SH3GL1: variants seen among roughly 807,000 people sequenced by gnomAD.
SH3GL1 encodes the protein SH3 domain containing GRB2 like 1, endophilin A2.
A neutral mutation model predicts 48.8 loss-of-function variants in SH3GL1; 21 were observed. The ratio of observed to expected loss-of-function variants is 0.43; its 90% CI spans 0.30 to 0.62. The LOEUF is 0.62. SH3GL1 is among the 20% of genes least tolerant of loss of function. The pLI is 0.11. For missense variants in SH3GL1, 454 were observed against 503.0 expected, an observed-to-expected ratio of 0.90 and a Z score of 0.93; for synonymous variants, 282 against 217.5, an observed-to-expected ratio of 1.30 and a Z score of -2.61.
At position 4,366,948 on chromosome 19, in the gene SH3GL1, T is replaced by A. The variant is rs1168675200; in HGVS notation, c.92A>T (p.Asp31Val). The A allele has an allele frequency of 6.2e-7, 1 of 1,613,990 alleles. No individual in the cohort carries two copies. The highest frequency in any genetic ancestry group is 8.5e-7 in the Non-Finnish European group (1 of 1,179,894). ...VGGAEGTKLDDDFKEMEKKVD... is the reference protein window; with the variant it reads ...VGGAEGTKLDVDFKEMEKKVD... ...CACCTTCTCCATCTCTTTGAAGTCA[T>A]CATCCAGCTTGGTCCCCTCGGCCCC... The change falls in exon 2 of 10, where the codon GAT becomes GTT. Residue 31 changes from aspartate (D) to valine (V), a missense_variant. By Grantham distance (152) the Asp-to-Val change is radical. This residue lies in a region of SH3GL1 where 176 missense variants were observed against 256.2 expected (regional missense o/e 0.69). Coordinates refer to ENST00000269886, the MANE Select transcript of SH3GL1 (RefSeq NM_003025.4).
Position 4,368,212 on chromosome 19 carries a change from A to C in SH3GL1, c.46-1218T>G, listed in dbSNP as rs569073605. 2.0e-5 allele frequency among the ~76,000 whole-genome samples: 3 copies of C among 152,178 alleles called. No individual in the cohort carries two copies. The East Asian group carries it at 5.8e-4, about 30-fold the overall frequency. On this transcript the variant is annotated intron_variant, in intron 1 of 9. Coordinates refer to ENST00000269886, the MANE Select transcript of SH3GL1 (RefSeq NM_003025.4). ...TGGTGCTTGCCTGCCCCGAGCTGTC[A>C]CAAGACGTGGCCAAGGGATGCCATG...
chr19:4,386,490 T>C (rs1973237838), intron 1 of SH3GL1, among the ~76,000 whole-genome samples: 1 of 149,078 alleles, frequency 6.7e-6, no homozygotes, highest in Non-Finnish European at 1.5e-5. Context: ...TTTTTTTTTA[T>C]TTCTTTTTCA....
At chr19:4,388,756 G>A (rs1202046878) in intron 1 of SH3GL1, among the ~76,000 whole-genome samples, 2 of 152,242 alleles carry the variant, frequency 1.3e-5, no homozygotes, top group Non-Finnish European at 2.9e-5. Context: ...GATCAAGGGG[G>A]GAAGCAGGCG....
At chr19:4,370,265 A>C (rs1487823260) in intron 1 of SH3GL1, among the ~76,000 whole-genome samples, 1 of 152,174 alleles carries the variant, frequency 6.6e-6, no homozygotes, top group African/African-American at 2.4e-5. Flanking sequence ...CCAGCAGTCC[A>C]TTCCTGCCGA....
chr19:4,399,626 C>T (rs1226026021), intron 1 of SH3GL1, among the ~76,000 whole-genome samples: 2 of 148,262 alleles, frequency 1.3e-5, no homozygotes, highest in African/African-American at 5.0e-5. Flanking sequence ...CAGGACGGCC[C>T]CACCACGGAG....
chr19:4,368,319 C>G (rs1972825846), intron 1 of SH3GL1, among the ~76,000 whole-genome samples: 1 of 152,196 alleles, frequency 6.6e-6, no homozygotes, highest in Admixed American at 6.5e-5. Context: ...TAGGACCCAG[C>G]CTGGGAGGAA....
At chr19:4,397,058 A>G (rs774280738) in intron 1 of SH3GL1, among the ~76,000 whole-genome samples, 1 of 152,200 alleles carries the variant, frequency 6.6e-6, no homozygotes, top group Non-Finnish European at 1.5e-5. Context: ...GAGAGATGTC[A>G]CTTTCCAACA....
chr19:4,379,210 T>C (rs1973070996), intron 1 of SH3GL1, among the ~76,000 whole-genome samples: 2 of 151,452 alleles, frequency 1.3e-5, no homozygotes, highest in African/African-American at 4.9e-5. Flanking sequence ...ATCCCAGCAC[T>C]TTAGGAGGTC....
At chr19:4,382,803 C>T (rs1973162252) in intron 1 of SH3GL1, among the ~76,000 whole-genome samples, 1 of 152,188 alleles carries the variant, frequency 6.6e-6, no homozygotes, top group African/African-American at 2.4e-5. Flanking sequence ...CTACCTCAAG[C>T]ACAGAGTTGG....
chr19:4,363,611 G>C, intron 6 of SH3GL1, 109 bp downstream of exon 6: 1 of 1,506,004 alleles, frequency 6.6e-7, no homozygotes, highest in Non-Finnish European at 9.2e-7. Context: ...CACCTCCCCT[G>C]CTGCAGCGGC....
At chr19:4,382,848 C>G (rs1973163375) in intron 1 of SH3GL1, among the ~76,000 whole-genome samples, 1 of 152,190 alleles carries the variant, frequency 6.6e-6, no homozygotes, top group Admixed American at 6.5e-5. Context: ...GGGAAACACA[C>G]AGCTAGGTTT....
intron 1 of SH3GL1, among the ~76,000 whole-genome samples, chr19:4,397,258 C>A (rs552889832): frequency 6.6e-5 from 10 of 152,202 alleles, no homozygotes; most frequent in African/African-American, 1.2e-4. Context: ...GAGGCCAAGA[C>A]GACAGCCCCG....
intron 1 of SH3GL1, among the ~76,000 whole-genome samples, chr19:4,370,577 C>T (rs1331024639): frequency 1.3e-5 from 2 of 152,200 alleles, no homozygotes; most frequent in Non-Finnish European, 1.5e-5. Context: ...CTGCAAACCC[C>T]GAGTGACCAA....
chr19:4,390,395 A>C (rs1973314637), intron 1 of SH3GL1: 1 of 152,738 alleles, frequency 6.5e-6, no homozygotes, highest in Non-Finnish European at 1.5e-5. Flanking sequence ...ACAGGCAGGC[A>C]GACAGACAGG....
intron 1 of SH3GL1, among the ~76,000 whole-genome samples, chr19:4,370,356 A>G (rs980130322): frequency 2.6e-5 from 4 of 152,194 alleles, no homozygotes; most frequent in Non-Finnish European, 2.9e-5. Context: ...ACTCGAGTCC[A>G]TCCCATACCC....
intron 1 of SH3GL1, among the ~76,000 whole-genome samples, chr19:4,368,845 G>T (rs907160294): frequency 6.6e-6 from 1 of 152,194 alleles, no homozygotes; most frequent in African/African-American, 2.4e-5. Context: ...GCTGAGGCAG[G>T]CGGATCATGA....
At chr19:4,393,714 C>A (rs921349984) in intron 1 of SH3GL1, among the ~76,000 whole-genome samples, 7 of 151,934 alleles carry the variant, frequency 4.6e-5, no homozygotes, top group African/African-American at 1.7e-4. Flanking sequence ...TGCTTGAACC[C>A]GGGAGGCAGA....
chr19:4,361,690 G>C lies in SH3GL1; in HGVS notation c.1017C>G (p.Ile339Met). 2 of 1,613,212 alleles carry C rather than the reference G, an allele frequency of 1.2e-6. No individual in the cohort carries two copies. Among genetic ancestry groups the C allele is most frequent in the Non-Finnish European group, 1.7e-6 (2 of 1,179,834 alleles). Reference protein sequence around the residue: ...EGDVITLTNQIDENWYEGMLD... With the variant: ...EGDVITLTNQMDENWYEGMLD... ...GCATGCCCTCGTACCAGTTCTCATC[G>C]ATCTGGTTGGTCAGCGTGATGACGT... is the stretch of plus-strand genomic sequence containing the variant. Residue 339 changes from isoleucine to methionine, a missense_variant, in exon 10 of 10, where the codon ATC becomes ATG. Physicochemically the swap from Ile to Met is conservative, Grantham distance 10 (BLOSUM62 1). Around this residue, in one of 2 missense-constraint regions of SH3GL1, gnomAD observed 278 missense variants for 246.8 expected, o/e 1.13. Coordinates refer to ENST00000269886, the MANE Select transcript of SH3GL1 (RefSeq NM_003025.4).
intron 1 of SH3GL1, among the ~76,000 whole-genome samples, chr19:4,373,709 C>T (rs544979197): frequency 1.6e-4 from 25 of 152,280 alleles, no homozygotes; most frequent in African/African-American, 6.0e-4. Context: ...ACCGAGATAC[C>T]GGCTCTGGAC....
Sources: gnomAD v4.1 joint callset for allele counts (sites outside exome capture counted in the v4.1 genomes callset) on GRCh38, gnomAD v4.1.1 for gene constraint, gnomAD v4.1.1 regional missense constraint, MANE v1.5 for transcripts, NCBI Gene and HGNC (gene_info 2026-07-23, HGNC 2026-07-21) for gene names.